The following AOPEP variants were observed in gnomAD, a reference collection of about 807,000 sequenced individuals.
The protein encoded by AOPEP is aminopeptidase O (putative).
A neutral mutation model predicts 98.1 loss-of-function variants in AOPEP; 77 were observed. The observed-to-expected ratio is 0.78, with a 90% CI of 0.65 to 0.95. The LOEUF (loss-of-function observed/expected upper bound fraction) is 0.95. Ranked by LOEUF, AOPEP falls within the 40% of genes least tolerant of loss-of-function variation. AOPEP has a pLI of 0.00. For synonymous variants in AOPEP, 346 were observed against 365.3 expected (o/e 0.95, Z 0.60); for missense variants, 1,024 against 1,024.7 (o/e 1.00, Z 0.01).
At position 94,899,179 on chromosome 9, in the gene AOPEP, C is replaced by CTTTTTT. The variant is rs1164742981; in HGVS notation, c.1365-24789_1365-24784dup. Among the ~76,000 whole-genome samples the CTTTTTT allele has an allele frequency of 1.6e-3, 94 of 59,742 alleles. 7 individuals carry two copies. The highest frequency in any genetic ancestry group is 2.4e-3 in the South Asian group (3 of 1,232). 39.2% of individuals were successfully genotyped at this position (59,742 alleles called of 152,430 possible). On this transcript the variant is annotated intron_variant, in intron 5 of 16. Coordinates refer to ENST00000375315, the MANE Select transcript of AOPEP (RefSeq NM_001193329.3). ...GGAAGATAATTTGCCTCTTCATTTG[C>CTTTTTT]TTTTTTTTTTTTTTTTTTTTTTTGA...
At chr9:94,854,306 A>G (rs2043919885) in intron 5 of AOPEP, among the ~76,000 whole-genome samples, 1 of 152,220 alleles carries the variant, frequency 6.6e-6, no homozygotes, top group African/African-American at 2.4e-5. Flanking sequence ...CAAGTCATGT[A>G]CTGGAGGCAA....
the AOPEP span, chr9:95,117,393 G>A: frequency 6.2e-7 from 1 of 1,613,138 alleles, no homozygotes; most frequent in Non-Finnish European, 8.5e-7. Flanking sequence ...AACCGCAGCT[G>A]CCACAGGATG....
intron 14 of AOPEP, among the ~76,000 whole-genome samples, chr9:95,077,408 T>C (rs1008914471): frequency 6.6e-6 from 1 of 152,180 alleles, no homozygotes; most frequent in Non-Finnish European, 1.5e-5. Context: ...CCCGCCAGGA[T>C]GCTGCGGGGT....
chr9:95,075,083 C>T (rs749717315), intron 14 of AOPEP, among the ~76,000 whole-genome samples: 2 of 152,168 alleles, frequency 1.3e-5, no homozygotes, highest in African/African-American at 4.8e-5. Context: ...CTCCTTCCCT[C>T]CCACACCAAC....
At chr9:95,106,140 C>T in the AOPEP span, among the ~76,000 whole-genome samples, 1 of 152,080 alleles carries the variant, frequency 6.6e-6, no homozygotes, top group Non-Finnish European at 1.5e-5. Flanking sequence ...TCTTTTCTCT[C>T]CTTGCTGACA....
intron 13 of AOPEP, among the ~76,000 whole-genome samples, chr9:95,052,357 G>A (rs1357365708): frequency 1.3e-5 from 2 of 152,056 alleles, no homozygotes; most frequent in Non-Finnish European, 1.5e-5. Context: ...CTTTGAACTC[G>A]GTTATTCCTT....
intron 5 of AOPEP, among the ~76,000 whole-genome samples, chr9:94,881,875 G>A (rs1446298957): frequency 2.6e-5 from 4 of 152,208 alleles, no homozygotes; most frequent in Non-Finnish European, 5.9e-5. Flanking sequence ...ATTCCTGTGA[G>A]GGGGTTTTGG....
At chr9:95,055,130 T>C (rs1375930685) in intron 13 of AOPEP, among the ~76,000 whole-genome samples, 1 of 152,260 alleles carries the variant, frequency 6.6e-6, no homozygotes, top group Non-Finnish European at 1.5e-5. Context: ...TAAATATATT[T>C]CATTTCTGTC....
At chr9:95,098,295 A>G in the AOPEP span, among the ~76,000 whole-genome samples, 4 of 151,990 alleles carry the variant, frequency 2.6e-5, no homozygotes, top group African/African-American at 9.7e-5. Flanking sequence ...TCTCCACTTC[A>G]ACAGAAAACT....
intron 13 of AOPEP, among the ~76,000 whole-genome samples, chr9:95,057,904 G>A (rs2066968893): frequency 1.3e-5 from 2 of 152,272 alleles, no homozygotes; most frequent in South Asian, 4.1e-4. Context: ...CTTGTTTTAG[G>A]GGGAGCAGAT....
intron 1 of AOPEP, among the ~76,000 whole-genome samples, chr9:94,731,790 C>CCTTT (rs1830602259): frequency 1.2e-5 from 1 of 86,290 alleles, no homozygotes; most frequent in African/African-American, 5.2e-5. Context: ...TCTCTTTTGC[C>CCTTT]TTTTTTTTTT....
chr9:95,038,030 G>A (rs1299815797), intron 13 of AOPEP, among the ~76,000 whole-genome samples: 1 of 152,112 alleles, frequency 6.6e-6, no homozygotes, highest in African/African-American at 2.4e-5. Context: ...CCAGCTGTCT[G>A]TCCGTCCATG....
intron 13 of AOPEP, chr9:95,048,961 C>G (rs2066097849): frequency 6.6e-6 from 1 of 152,212 alleles, no homozygotes; most frequent in East Asian, 1.9e-4. Flanking sequence ...CGCGCGTTCA[C>G]CCGACGGGAC....
chr9:94,933,107 T>C, intron 7 of AOPEP: 15 of 985,808 alleles, frequency 1.5e-5, no homozygotes, highest in Non-Finnish European at 1.8e-5. Flanking sequence ...AAGTCTGATT[T>C]CAGTGTTCCT....
intron 5 of AOPEP, among the ~76,000 whole-genome samples, chr9:94,915,009 C>T (rs1237121062): frequency 6.6e-6 from 1 of 152,168 alleles, no homozygotes; most frequent in Non-Finnish European, 1.5e-5. Flanking sequence ...GACCTACCTC[C>T]CGGTGCTTCT....
At chr9:95,111,300 A>G in the AOPEP span, 1 of 1,584,328 alleles carries the variant, frequency 6.3e-7, no homozygotes, top group Non-Finnish European at 8.5e-7. Context: ...CTCTGACCAC[A>G]AGGCTGGAGA....
chr9:94,771,148 A>C (rs1840780272), intron 2 of AOPEP, among the ~76,000 whole-genome samples: 1 of 152,200 alleles, frequency 6.6e-6, no homozygotes, highest in African/African-American at 2.4e-5. Flanking sequence ...CATGGCCTCC[A>C]ACCCAGCCTT....
At chr9:95,080,539 A>G (rs2069623240) in intron 14 of AOPEP, among the ~76,000 whole-genome samples, 155 bp from the exon 15 acceptor site, 1 of 152,162 alleles carries the variant, frequency 6.6e-6, no homozygotes, top group Admixed American at 6.5e-5. Context: ...AGTAAAAAAA[A>G]TATACTAAAA....
chr9:94,767,179 C>A (rs1281757858), intron 2 of AOPEP, among the ~76,000 whole-genome samples: 1 of 152,150 alleles, frequency 6.6e-6, no homozygotes, highest in Non-Finnish European at 1.5e-5. Context: ...TTTATGAGAA[C>A]TAAAGTGGAA....
Sources: gnomAD v4.1 joint callset for allele counts (sites outside exome capture counted in the v4.1 genomes callset) on GRCh38, gnomAD v4.1.1 for gene constraint, MANE v1.5 for transcripts, NCBI Gene and HGNC (gene_info 2026-07-23, HGNC 2026-07-21) for gene names.